The following BBX variants were observed in gnomAD, a reference collection of about 807,000 sequenced individuals.
BBX encodes HMG box transcription factor BBX.
Under a neutral mutation model 100.2 loss-of-function variants are expected in BBX, and 30 were observed. The ratio of observed to expected loss-of-function variants is 0.30; its 90% CI spans 0.22 to 0.41. The LOEUF is 0.41. Ranked by LOEUF, BBX falls within the 10% of genes least tolerant of loss-of-function variation. The probability of loss-of-function intolerance (pLI) is 1.00; values close to 1 mark genes in which losing one functional copy is unlikely to be tolerated. For missense variants in BBX, 1,023 were observed against 1,129.8 expected (o/e 0.91, Z 1.35); for synonymous variants, 376 against 388.1 (o/e 0.97, Z 0.37).
intron 5 of BBX, among the ~76,000 whole-genome samples, chr3:107,718,105 A>G (rs1280390900): frequency 1.3e-5 from 2 of 151,136 alleles, no homozygotes; most frequent in Non-Finnish European, 3.0e-5. Context: ...ATTTCTTAAG[A>G]AAGTTTCATG....
intron 13 of BBX, among the ~76,000 whole-genome samples, chr3:107,786,814 T>A (rs927274576): frequency 4.6e-5 from 7 of 152,156 alleles, no homozygotes; most frequent in Non-Finnish European, 8.8e-5. Context: ...ATTTAAATCT[T>A]CTGCGCTTCA....
chr3:107,708,033 C>T (rs1262720765), intron 3 of BBX, among the ~76,000 whole-genome samples: 2 of 152,172 alleles, frequency 1.3e-5, no homozygotes, highest in East Asian at 3.9e-4. Context: ...TTAACTACCA[C>T]TCAAGCAACT....
At chr3:107,530,511 G>C (rs2048083980) in intron 2 of BBX, among the ~76,000 whole-genome samples, 1 of 152,146 alleles carries the variant, frequency 6.6e-6, no homozygotes, top group Non-Finnish European at 1.5e-5. Flanking sequence ...AAATAATTAA[G>C]CCAATGGTTA....
chr3:107,791,305 A>G lies in BBX; in HGVS notation c.2353+6A>G, dbSNP rs2068999650. ...TGCCATTCACCCTACAGAAGGTAAGACAAGCAATGTTATTTAATTTGAGAC... is the reference window on the plus strand; with the variant it reads ...TGCCATTCACCCTACAGAAGGTAAGGCAAGCAATGTTATTTAATTTGAGAC... On this transcript the variant is annotated splice_donor_region_variant and intron_variant, in intron 15 of 17. Transcript: ENST00000325805. 1 of 1,610,064 alleles carries G rather than the reference A, an allele frequency of 6.2e-7. No individual in the cohort carries two copies. The highest frequency in any genetic ancestry group is 8.5e-7 in the Non-Finnish European group (1 of 1,176,924).
At chr3:107,525,785 A>G (rs185707771) in intron 1 of BBX, among the ~76,000 whole-genome samples, 38 of 152,094 alleles carry the variant, frequency 2.5e-4, no homozygotes, top group East Asian at 7.8e-4. Context: ...CCTATCTCCA[A>G]TCTGGGGATT....
At chr3:107,726,947 C>T (rs2062989613) in intron 5 of BBX, among the ~76,000 whole-genome samples, 1 of 152,036 alleles carries the variant, frequency 6.6e-6, no homozygotes, top group Non-Finnish European at 1.5e-5. Context: ...TGATTTTCAG[C>T]ACCAGCTCCC....
intron 13 of BBX, among the ~76,000 whole-genome samples, chr3:107,785,097 A>C (rs1215781756): frequency 6.6e-6 from 1 of 151,754 alleles, no homozygotes; most frequent in Non-Finnish European, 1.5e-5. Flanking sequence ...CAAACTACTG[A>C]AACTGGCTTA....
At chr3:107,718,220 T>G (rs1050264882) in intron 5 of BBX, among the ~76,000 whole-genome samples, 3 of 147,786 alleles carry the variant, frequency 2.0e-5, no homozygotes, top group African/African-American at 4.9e-5. Context: ...ATTAGTATAA[T>G]TATTAATTTT....
chr3:107,632,077 T>G (rs1011410384), intron 2 of BBX, among the ~76,000 whole-genome samples: 1 of 151,222 alleles, frequency 6.6e-6, no homozygotes, highest in Non-Finnish European at 1.5e-5. Flanking sequence ...AAATGCTTTT[T>G]TTGTTGTTGT....
intron 2 of BBX, among the ~76,000 whole-genome samples, chr3:107,628,365 GTT>G (rs1329009349): frequency 6.6e-6 from 1 of 151,416 alleles, no homozygotes; most frequent in Non-Finnish European, 1.5e-5. Flanking sequence ...TTTATCAAGA[GTT>G]TGCTTTTTTT....
intron 3 of BBX, among the ~76,000 whole-genome samples, chr3:107,698,639 G>A (rs1429513018): frequency 7.1e-6 from 1 of 140,536 alleles, no homozygotes; most frequent in African/African-American, 2.6e-5. Flanking sequence ...GTGACAGAGC[G>A]AGACTCCATC....
intron 2 of BBX, among the ~76,000 whole-genome samples, chr3:107,589,922 A>G (rs1179200512): frequency 6.6e-6 from 1 of 152,106 alleles, no homozygotes; most frequent in Non-Finnish European, 1.5e-5. Context: ...TTAGTTCTTT[A>G]TGCTTTTATT....
chr3:107,778,630 G>A (rs2067524949), intron 13 of BBX, 111 bp downstream of exon 13: 5 of 1,224,986 alleles, frequency 4.1e-6, no homozygotes, highest in Middle Eastern at 2.0e-4. Context: ...TGAGGCAGTA[G>A]GGAGTTAGAA....
At chr3:107,623,199 G>A (rs1383305029) in intron 2 of BBX, among the ~76,000 whole-genome samples, 1 of 152,156 alleles carries the variant, frequency 6.6e-6, no homozygotes, top group East Asian at 1.9e-4. Flanking sequence ...CCATGATTGT[G>A]CCCCTACCTG....
chr3:107,542,708 A>T (rs1439482379), intron 2 of BBX, among the ~76,000 whole-genome samples: 3 of 152,152 alleles, frequency 2.0e-5, no homozygotes, highest in Non-Finnish European at 4.4e-5. Flanking sequence ...AGGCTCAGCA[A>T]CTTGCCCAAG....
intron 10 of BBX, among the ~76,000 whole-genome samples, chr3:107,760,066 T>G (rs1172180486): frequency 2.0e-5 from 3 of 152,234 alleles, no homozygotes; most frequent in Non-Finnish European, 4.4e-5. Context: ...CTATCATTCT[T>G]CTTTTACACA....
At chr3:107,562,664 G>A (rs1362104278) in intron 2 of BBX, among the ~76,000 whole-genome samples, 1 of 151,928 alleles carries the variant, frequency 6.6e-6, no homozygotes, top group African/African-American at 2.4e-5. Flanking sequence ...CCTTAAGCAG[G>A]CTTACAAAAC....
intron 3 of BBX, among the ~76,000 whole-genome samples, chr3:107,697,515 CA>C (rs1210126486): frequency 1.3e-5 from 2 of 151,902 alleles, no homozygotes; most frequent in Non-Finnish European, 2.9e-5. Flanking sequence ...GCTCGGGGGT[CA>C]GGGGTCAGGG....
At position 107,790,772 on chromosome 3, in the gene BBX, C is replaced by A. The variant is rs577606307; in HGVS notation, c.2294-468C>A. On this transcript the variant is annotated intron_variant, in intron 14 of 17. Coordinates refer to ENST00000325805, the MANE Select transcript of BBX (RefSeq NM_001142568.3). ...CGTGTTTCTTGAATGAGGCTTTAAA[C>A]GCAGCTGTCTCCTGTGTGTAGACAT... Among the ~76,000 whole-genome samples, 426 of 152,308 alleles carry A rather than the reference C, an allele frequency of 2.8e-3. 3 individuals carry two copies. Among genetic ancestry groups the A allele is most frequent in the African/African-American group, 9.8e-3 (406 of 41,576 alleles).
Sources: allele counts gnomAD v4.1 joint callset (sites outside exome capture counted in the v4.1 genomes callset), GRCh38; gene constraint gnomAD v4.1.1; transcripts MANE v1.5; gene names NCBI Gene and HGNC (gene_info 2026-07-23, HGNC 2026-07-21).